MTMR1: variants seen among roughly 807,000 people sequenced by gnomAD.
MTMR1 encodes phosphatidylinositol-3-phosphate phosphatase MTMR1.
A neutral mutation model predicts 51.6 loss-of-function variants in MTMR1; 17 were observed. The observed-to-expected ratio is 0.33, with a 90% CI of 0.23 to 0.49. The LOEUF is 0.49. Among genes scored for constraint, MTMR1 ranks in the 20% least tolerant of loss-of-function variants. MTMR1 has a pLI of 0.99. For synonymous variants in MTMR1, 201 were observed against 205.6 expected, an observed-to-expected ratio of 0.98 and a Z score of 0.19; for missense variants, 386 against 526.9, an observed-to-expected ratio of 0.73 and a Z score of 2.62.
chrX:150,719,817 G>A (rs920404172), intron 4 of MTMR1, among the ~76,000 whole-genome samples: 2 of 111,874 alleles, frequency 1.8e-5, no homozygotes, highest in Non-Finnish European at 3.8e-5. Context: ...AGCAGGGAGC[G>A]TTATAAAAGC....
chrX:150,718,615 T>TCCAGGC lies in MTMR1; in HGVS notation c.277-10_277-9insCCAGGC. The TCCAGGC allele has an allele frequency of 1.4e-6, 1 of 709,454 alleles. No individual in the cohort carries two copies. Among genetic ancestry groups the TCCAGGC allele is most frequent in the Admixed American group, 4.4e-5 (1 of 22,938 alleles). 58.5% of individuals were successfully genotyped at this position (709,454 alleles called of 1,213,427 possible). A position where few individuals can be genotyped will look rare whatever the true frequency, so the allele number is the denominator to read the frequency against. On this transcript the variant is annotated splice_polypyrimidine_tract_variant and intron_variant, in intron 3 of 15. Transcript: ENST00000445323. ...TTTTTTTTTTTTTTTTTTTTTTTTT[T>TCCAGGC]TTTTGCCAGGCTCTAAGGGATGGAA...
chrX:150,727,382 G>T, intron 5 of MTMR1, 73 bp downstream of exon 5: 1 of 901,075 alleles, frequency 1.1e-6, no homozygotes. Context: ...AAAGTAAAAA[G>T]TCCCCTGAAA....
At chrX:150,736,296 G>A (rs1603259521) in intron 10 of MTMR1, 2 of 215,678 alleles carry the variant, frequency 9.3e-6, no homozygotes, top group East Asian at 1.6e-4. Flanking sequence ...TGGGACTATC[G>A]GAACCTGGGG....
At chrX:150,735,708 G>T in intron 10 of MTMR1, 1 of 327,354 alleles carries the variant, frequency 3.1e-6, no homozygotes, top group Non-Finnish European at 5.3e-6. Flanking sequence ...TGTACAACGT[G>T]GTATTTTGAT....
At position 150,754,556 on chromosome X, in the gene MTMR1, C is replaced by G. The variant is rs73622490; in HGVS notation, c.1681-1133C>G. ...TTCAGATGAGCAATGCAAGTAGGTA[C>G]AGTGTTTCTGAATAGTGTACTACAA... On this transcript the variant is annotated intron_variant, in intron 14 of 15. Coordinates refer to ENST00000445323, the MANE Select transcript of MTMR1 (RefSeq NM_001306144.3). Among the ~76,000 whole-genome samples the G allele has an allele frequency of 4.0e-3, 449 of 112,159 alleles. 2 individuals are homozygous for G. The highest frequency in any genetic ancestry group is 0.013 in the African/African-American group (409 of 30,879).
chrX:150,737,028 C>T (rs1603260183), intron 11 of MTMR1, among the ~76,000 whole-genome samples: 1 of 111,303 alleles, frequency 9.0e-6, no homozygotes. Flanking sequence ...CATATTTACT[C>T]CTGTAGTTTT....
At chrX:150,718,154 C>T (rs1307699592) in intron 3 of MTMR1, among the ~76,000 whole-genome samples, 2 of 112,609 alleles carry the variant, frequency 1.8e-5, no homozygotes, top group Non-Finnish European at 3.8e-5. Context: ...GACTGTTCTC[C>T]GGTTATTTTC....
At chrX:150,747,853 A>G (rs187082860) in intron 13 of MTMR1, among the ~76,000 whole-genome samples, 3 of 111,623 alleles carry the variant, frequency 2.7e-5, no homozygotes, top group Non-Finnish European at 5.6e-5. Context: ...AAGCTCCCAA[A>G]TCTACAATGC....
rs782476629 is a variant in MTMR1 at position 150,707,910 on chromosome X, TACAC to T, written c.253-4428_253-4425del. Among the ~76,000 whole-genome samples the T allele has an allele frequency of 4.5e-5, 5 of 112,192 alleles. 1 individual carries two copies. Among genetic ancestry groups the T allele is most frequent in the Admixed American group, 9.4e-5 (1 of 10,604 alleles). On this transcript the variant is annotated intron_variant, in intron 2 of 15. Coordinates refer to ENST00000445323, the MANE Select transcript of MTMR1 (RefSeq NM_001306144.3). The stretch of plus-strand genomic sequence containing the variant: ...ACTCAACAATAAAAAGAAATAATGA[TACAC>T]ACAGGCAACTTGGATGAATCTTAAA...
chrX:150,761,440 C>T (rs782755305), intron 15 of MTMR1, among the ~76,000 whole-genome samples: 3 of 112,559 alleles, frequency 2.7e-5, no homozygotes, highest in Non-Finnish European at 3.8e-5. Flanking sequence ...TTGGCACACA[C>T]GGTGGAACAG....
At chrX:150,753,581 T>G (rs1483313708) in intron 14 of MTMR1, among the ~76,000 whole-genome samples, 2 of 112,822 alleles carry the variant, frequency 1.8e-5, no homozygotes, top group African/African-American at 6.4e-5. Flanking sequence ...GTTGAGCATA[T>G]TTCCATGTGC....
At chrX:150,723,316 C>A (rs185113008) in intron 4 of MTMR1, among the ~76,000 whole-genome samples, 1 of 111,226 alleles carries the variant, frequency 9.0e-6, no homozygotes, top group Non-Finnish European at 1.9e-5. Flanking sequence ...ATAAACATAA[C>A]GTGTGCATGT....
chrX:150,739,226 T>C (rs2042359558), intron 12 of MTMR1, among the ~76,000 whole-genome samples: 1 of 112,878 alleles, frequency 8.9e-6, no homozygotes, highest in Non-Finnish European at 1.9e-5. Context: ...CCTGGGCATG[T>C]GCCTTCCCCT....
chrX:150,730,270 TTTAA>T, intron 7 of MTMR1, 60 bp downstream of exon 7: 2 of 834,111 alleles, frequency 2.4e-6, no homozygotes, highest in East Asian at 3.5e-5. Context: ...ATATCCTATG[TTTAA>T]TTATTCCTTT....
At chrX:150,732,019 A>C (rs1457061669) in intron 9 of MTMR1, among the ~76,000 whole-genome samples, 1 of 111,855 alleles carries the variant, frequency 8.9e-6, no homozygotes, top group Admixed American at 9.5e-5. Flanking sequence ...ACATCATTAC[A>C]GAAGTAGTAG....
intron 3 of MTMR1, among the ~76,000 whole-genome samples, chrX:150,713,295 A>G (rs1181370501): frequency 8.9e-6 from 1 of 112,036 alleles, no homozygotes; most frequent in East Asian, 2.8e-4. Flanking sequence ...GTTTCTAAAA[A>G]CTTAATTACT....
intron 14 of MTMR1, among the ~76,000 whole-genome samples, chrX:150,751,794 C>T (rs1279806215): frequency 2.7e-5 from 3 of 110,413 alleles, no homozygotes; most frequent in African/African-American, 9.9e-5. Flanking sequence ...ATCCAGATGC[C>T]GAGGCCAAAT....
intron 1 of MTMR1, among the ~76,000 whole-genome samples, chrX:150,698,678 GCGCACA>G (rs1177169920): frequency 2.8e-3 from 201 of 70,793 alleles, no homozygotes; most frequent in South Asian, 5.5e-3. Context: ...CTACACGCGC[GCGCACA>G]CACACACACA....
At chrX:150,707,538 G>T (rs963143655) in intron 2 of MTMR1, among the ~76,000 whole-genome samples, 1 of 112,221 alleles carries the variant, frequency 8.9e-6, no homozygotes, top group Non-Finnish European at 1.9e-5. Context: ...GTGAGATATC[G>T]CTATATCCTA....
Sources: gnomAD v4.1 joint callset for allele counts (sites outside exome capture counted in the v4.1 genomes callset) on GRCh38, gnomAD v4.1.1 for gene constraint, MANE v1.5 for transcripts, NCBI Gene and HGNC (gene_info 2026-07-23, HGNC 2026-07-21) for gene names.